MIER1: variants seen among roughly 807,000 people sequenced by gnomAD.
MIER1 encodes mesoderm induction early response protein 1.
In MIER1, 40 loss-of-function variants were observed where a neutral mutation model predicts 75.7. That is an observed-to-expected ratio of 0.53 (90% confidence interval 0.41 to 0.69). The LOEUF (loss-of-function observed/expected upper bound fraction) is 0.69, where lower values mean the gene tolerates loss of function less well. Ranked by LOEUF, MIER1 falls within the 30% of genes least tolerant of loss-of-function variation. The pLI is 0.00. For synonymous variants in MIER1, 213 were observed against 223.4 expected (o/e 0.95, Z 0.42); for missense variants, 574 against 680.2 (o/e 0.84, Z 1.74).
chr1:66,961,750 T>G (rs1347666261), intron 7 of MIER1, among the ~76,000 whole-genome samples: 1 of 152,104 alleles, frequency 6.6e-6, no homozygotes, highest in Admixed American at 6.6e-5. Context: ...CCTAGGTGAG[T>G]TAAGTTAAAA....
intron 12 of MIER1, among the ~76,000 whole-genome samples, chr1:66,980,039 C>A (rs1007377510): frequency 3.9e-5 from 6 of 152,238 alleles, no homozygotes; most frequent in Admixed American, 2.0e-4. Flanking sequence ...GCTGGGATGA[C>A]AGGCGTGAGC....
intron 3 of MIER1, among the ~76,000 whole-genome samples, chr1:66,941,378 ATAAGT>A (rs1656170792): frequency 6.6e-6 from 1 of 152,128 alleles, no homozygotes; most frequent in African/African-American, 2.4e-5. Flanking sequence ...CTGGTCTTAG[ATAAGT>A]GTTAGATCAC....
chr1:66,933,191 T>C (rs1186183836), intron 2 of MIER1, among the ~76,000 whole-genome samples: 1 of 152,116 alleles, frequency 6.6e-6, no homozygotes, highest in African/African-American at 2.4e-5. Flanking sequence ...ATAGTTGCAG[T>C]TTTACTAACT....
At chr1:66,929,502 G>T (rs1047485420) in intron 2 of MIER1, among the ~76,000 whole-genome samples, 1 of 152,224 alleles carries the variant, frequency 6.6e-6, no homozygotes, top group African/African-American at 2.4e-5. Context: ...GCAGCTGTAG[G>T]CCAATACATT....
Position 66,985,675 on chromosome 1 carries a change from T to C in MIER1, c.*775T>C. 1.0e-6 allele frequency: 1 copy of C among 985,180 alleles called. No homozygotes were observed. The highest frequency in any genetic ancestry group is 4.7e-5 in the South Asian group (1 of 21,284). The allele number at this position is 985,180 out of a possible 1,614,324, so 61.0% of individuals were successfully genotyped here. On this transcript the variant is annotated 3_prime_UTR_variant, in exon 14 of 14. Coordinates refer to ENST00000401041, the MANE Select transcript of MIER1 (RefSeq NM_001077700.3). ...AACTTGTACAGTTGGTAAACTTTTA[T>C]GAGAGGAATTGTTATTCTGAGTCTG... is the stretch of plus-strand genomic sequence containing the variant.
chr1:66,926,315 C>G, intron 2 of MIER1, 73 bp downstream of exon 2: 1 of 1,194,802 alleles, frequency 8.4e-7, no homozygotes, highest in Non-Finnish European at 1.2e-6. Context: ...GATTATATTA[C>G]TCTTCTTATA....
At position 66,958,193 on chromosome 1, in the gene MIER1, C is replaced by G; in HGVS notation, c.474C>G (p.Asp158Glu). The G allele has an allele frequency of 6.2e-7, 1 of 1,603,508 alleles. No individual in the cohort carries two copies. Among genetic ancestry groups the G allele is most frequent in the Non-Finnish European group, 8.5e-7 (1 of 1,170,760 alleles). ...GEDDEDADND[D>E]NSGCSGENKE... ...ATGATGAAGATGCTGATAATGATGA[C>G]AACAGTGGCTGTAGTGGGGAAAATA... Residue 158 changes from aspartate (D) to glutamate (E), a missense_variant, in exon 5 of 14, where the codon GAC becomes GAG. Coordinates refer to ENST00000401041, the MANE Select transcript of MIER1 (RefSeq NM_001077700.3).
At chr1:66,956,548 C>T (rs1391149354) in intron 4 of MIER1, among the ~76,000 whole-genome samples, 2 of 152,188 alleles carry the variant, frequency 1.3e-5, no homozygotes, top group Non-Finnish European at 2.9e-5. Flanking sequence ...ATTCTTGGTA[C>T]ATGGACCAGA....
At chr1:66,932,372 T>C (rs962160083) in intron 2 of MIER1, among the ~76,000 whole-genome samples, 5 of 152,222 alleles carry the variant, frequency 3.3e-5, no homozygotes, top group Non-Finnish European at 7.4e-5. Context: ...TTAAACAATT[T>C]ATCTTCTATA....
In MIER1 at chr1:66,973,003, TA is replaced by T; in HGVS notation, c.1101+14del. On this transcript the variant is annotated intron_variant, in intron 11 of 13. Transcript: ENST00000401041. ...TTCAGGCTAATAAAGTAAGTAATGA[TA>T]ATCTCTTTTTTGCAAAAAGAAATTT... 6.7e-7 allele frequency: 1 copy of T among 1,497,144 alleles called. No individual in the cohort carries two copies. Among genetic ancestry groups the T allele is most frequent in the Non-Finnish European group, 9.3e-7 (1 of 1,077,548 alleles). 92.7% of individuals were successfully genotyped at this position (1,497,144 alleles called of 1,614,324 possible).
intron 3 of MIER1, among the ~76,000 whole-genome samples, chr1:66,943,125 T>A (rs1024524054): frequency 6.6e-6 from 1 of 152,176 alleles, no homozygotes; most frequent in Admixed American, 6.5e-5. Flanking sequence ...TTTGTAGGGA[T>A]ACATGATTAC....
At chr1:66,959,627 T>C in intron 6 of MIER1, 52 bp from the exon 7 acceptor site, 1 of 853,028 alleles carries the variant, frequency 1.2e-6, no homozygotes, top group Non-Finnish European at 1.8e-6. Flanking sequence ...AATATGTAGA[T>C]TTAGACAGGA....
chr1:66,928,987 T>C, intron 2 of MIER1: 1 of 1,400,742 alleles, frequency 7.1e-7, no homozygotes, highest in Non-Finnish European at 1.0e-6. Flanking sequence ...ACTTAGCAGC[T>C]ACTTCATATA....
intron 2 of MIER1, among the ~76,000 whole-genome samples, chr1:66,935,328 C>T (rs549243046): frequency 6.6e-6 from 1 of 152,168 alleles, no homozygotes; most frequent in Non-Finnish European, 1.5e-5. Context: ...GGGTGAGGGT[C>T]AACTTGCTAT....
intron 4 of MIER1, chr1:66,946,666 A>G (rs777721747): frequency 7.4e-4 from 735 of 992,668 alleles, no homozygotes; most frequent in Admixed American, 4.2e-3. Context: ...TTCTTGAAGT[A>G]TCATTTTCCA....
chr1:66,925,504 G>A, intron 1 of MIER1: 1 of 985,426 alleles, frequency 1.0e-6, no homozygotes, highest in African/African-American at 1.7e-5. Flanking sequence ...CCCATCCCCG[G>A]GAGGCTCTCG....
At chr1:66,969,849 TCA>T (rs1480452938) in intron 8 of MIER1, among the ~76,000 whole-genome samples, 1 of 152,208 alleles carries the variant, frequency 6.6e-6, no homozygotes, top group Non-Finnish European at 1.5e-5. Flanking sequence ...CATTTATTCT[TCA>T]GTCTTATCCA....
At chr1:66,934,159 T>G in intron 2 of MIER1, among the ~76,000 whole-genome samples, 1 of 152,284 alleles carries the variant, frequency 6.6e-6, no homozygotes, top group Admixed American at 6.5e-5. Context: ...AAAAATAAAT[T>G]TAAACATATC....
intron 2 of MIER1, among the ~76,000 whole-genome samples, chr1:66,930,798 G>C (rs1653084289): frequency 1.3e-5 from 2 of 152,064 alleles, no homozygotes; most frequent in African/African-American, 2.4e-5. Context: ...GCGCCCTTCC[G>C]CGTCACCCCC....
Sources: gnomAD v4.1 joint callset for allele counts (sites outside exome capture counted in the v4.1 genomes callset) on GRCh38, gnomAD v4.1.1 for gene constraint, MANE v1.5 for transcripts, NCBI Gene and HGNC (gene_info 2026-07-23, HGNC 2026-07-21) for gene names.